Variants in GAS6 observed in about 807,000 individuals in gnomAD.
GAS6 encodes the protein growth arrest specific 6, also known as growth arrest-specific protein 6.
In GAS6, 41 loss-of-function variants were observed where a neutral mutation model predicts 75.8. That is an observed-to-expected ratio of 0.54 (90% CI 0.42 to 0.70). The LOEUF (loss-of-function observed/expected upper bound fraction) is 0.70, where lower values mean the gene tolerates loss of function less well. GAS6 is among the 30% of genes least tolerant of loss of function. The pLI, the probability that GAS6 is intolerant of heterozygous loss-of-function variation, is 0.00. For missense variants in GAS6, 854 were observed against 940.2 expected (o/e 0.91, Z 1.20); for synonymous variants, 432 against 412.6 (o/e 1.05, Z -0.57).
intron 4 of GAS6, chr13:113,842,264 ATGAC>A (rs2051793971): frequency 8.8e-6 from 2 of 228,308 alleles, no homozygotes; most frequent in Admixed American, 5.8e-5. Context: ...TTTTGCACAA[ATGAC>A]TGACAACAGA....
rs1304579401 is a variant in GAS6, at chr13:113,824,247, CA to C, written c.1478-698del. Among the ~76,000 whole-genome samples the C allele has an allele frequency of 2.7e-4, 37 of 139,596 alleles. 2 individuals carry two copies. Among genetic ancestry groups the C allele is most frequent in the African/African-American group, 7.4e-4 (27 of 36,660 alleles). The allele number at this position is 139,596 out of a possible 152,430, so 91.6% of individuals were successfully genotyped here. On this transcript the variant is annotated intron_variant, in intron 12 of 14. Transcript: ENST00000327773. ...ACGCGCGGTCTGGGGTCTGAGCTGT[CA>C]GGAGCACCCGCGGTCTGGGGTCTGA...
chr13:113,833,045 CA>C lies in GAS6; in HGVS notation c.835-294del, dbSNP rs1280455674. ...TTTTTAAATTATGAAATATTTCAAGCATACAAAAATTACAGAGAATCATTAA... is the reference window on the plus strand; with the variant it reads ...TTTTTAAATTATGAAATATTTCAAGCTACAAAAATTACAGAGAATCATTAA... On this transcript the variant is annotated intron_variant, in intron 8 of 14. Transcript: ENST00000327773. 5 of 1,303,504 alleles carry C rather than the reference CA, an allele frequency of 3.8e-6. No individual in the cohort carries two copies. In the African/African-American group the frequency reaches 7.5e-5, roughly 20 times the overall value. The allele number at this position is 1,303,504 out of a possible 1,614,324, so 80.7% of individuals were successfully genotyped here.
chr13:113,826,514 AC>A (rs2051545778), intron 12 of GAS6, among the ~76,000 whole-genome samples: 2 of 111,546 alleles, frequency 1.8e-5, no homozygotes, highest in African/African-American at 3.4e-5. Flanking sequence ...CCTCGCAGGC[AC>A]CTTCTCTCCC....
At chr13:113,838,344 G>C in intron 5 of GAS6, 153 bp from the exon 6 acceptor site, 1 of 880,330 alleles carries the variant, frequency 1.1e-6, no homozygotes, top group Non-Finnish European at 1.8e-6. Context: ...AGATCCCAAA[G>C]GTGCACAGCC....
intron 4 of GAS6, 92 bp from the exon 5 acceptor site, chr13:113,839,942 G>A: frequency 6.3e-7 from 1 of 1,588,940 alleles, no homozygotes; most frequent in Non-Finnish European, 8.6e-7. Context: ...TGGGGTCTCG[G>A]GTCCAGCCCG....
chr13:113,857,969 G>C (rs1308712479), intron 2 of GAS6, among the ~76,000 whole-genome samples: 1 of 152,252 alleles, frequency 6.6e-6, no homozygotes, highest in Non-Finnish European at 1.5e-5. Context: ...CCTCAGAGGA[G>C]GCCGGGCCGG....
chr13:113,828,058 G>A (rs1273477900), intron 11 of GAS6, among the ~76,000 whole-genome samples: 2 of 152,134 alleles, frequency 1.3e-5, no homozygotes, highest in Non-Finnish European at 2.9e-5. Flanking sequence ...GGCAGTTCAC[G>A]AGGTCAGAAG....
chr13:113,825,640 G>A (rs2051527637), intron 12 of GAS6, among the ~76,000 whole-genome samples: 1 of 152,128 alleles, frequency 6.6e-6, no homozygotes, highest in Admixed American at 6.5e-5. Context: ...GATATTAAGT[G>A]GAAAAAGGAT....
chr13:113,834,192 A>ACCGGTGTGACAGGCC (rs914289620), intron 8 of GAS6, among the ~76,000 whole-genome samples: 3 of 128,404 alleles, frequency 2.3e-5, no homozygotes, highest in Admixed American at 1.5e-4. Flanking sequence ...TGTGACAGGC[A>ACCGGTGTGACAGGCC]CCGGTGTGAC....
chr13:113,863,580 CG>C lies in GAS6; in HGVS notation c.249del (p.Glu84ArgfsTer10). ...EEAREVFEND[P>X]ETDYFYPRYL... ...CCCGCCCGCCGGCTGCTCACCGTCT[CG>C]GGGTCGTTCTCGAACACCTCCCGCG... is the stretch of plus-strand genomic sequence containing the variant. On this transcript the variant is annotated frameshift_variant, in exon 2 of 15. Coordinates refer to ENST00000327773, the MANE Select transcript of GAS6 (RefSeq NM_000820.4). LOFTEE classifies it high-confidence loss of function. The surrounding 1 kb of genome is among the most constrained non-coding windows in gnomAD (Gnocchi z 9.4). 6.6e-7 allele frequency: 1 copy of C among 1,513,838 alleles called. No individual in the cohort carries two copies. The highest frequency in any genetic ancestry group is 8.8e-7 in the Non-Finnish European group (1 of 1,133,688). 93.8% of individuals were successfully genotyped at this position (1,513,838 alleles called of 1,614,324 possible).
At chr13:113,857,977 C>T (rs1457817866) in intron 2 of GAS6, among the ~76,000 whole-genome samples, 2 of 152,230 alleles carry the variant, frequency 1.3e-5, no homozygotes, top group African/African-American at 2.4e-5. Context: ...GAGGCCGGGC[C>T]GGGGTCCACC....
At position 113,846,543 on chromosome 13, in the gene GAS6, G is replaced by A. The variant is rs1006199724; in HGVS notation, c.327C>T (p.Phe109=). 3.7e-6 allele frequency: 6 copies of A among 1,613,936 alleles called. No homozygotes were observed. The highest frequency in any genetic ancestry group is 1.7e-5 in the Admixed American group (1 of 60,012). ...CCGACTTACTTTGCACGCAGGTGGC[G>A]AAGCCTGAGTTTTTGGTGTACGGAG... ...YGSPYTKNSG[F]ATCVQNLPDQ... The change falls in exon 4 of 15, where the codon TTC becomes TTT. Residue 109 remains phenylalanine (F), a synonymous_variant. Coordinates refer to ENST00000327773, the MANE Select transcript of GAS6 (RefSeq NM_000820.4).
intron 6 of GAS6, 129 bp from the exon 7 acceptor site, chr13:113,835,764 C>G: frequency 6.8e-7 from 1 of 1,478,014 alleles, no homozygotes; most frequent in Non-Finnish European, 8.9e-7. Context: ...GCCAGCGCGC[C>G]CTGGCCCCAT....
In GAS6 at chr13:113,826,727, C is replaced by T. The variant is rs987180984; in HGVS notation, c.1477+269G>A. On this transcript the variant is annotated intron_variant, in intron 12 of 14. Coordinates refer to ENST00000327773, the MANE Select transcript of GAS6 (RefSeq NM_000820.4). ...CGCAGGCACCTTCTCTCCCCGGCCT[C>T]CTGGCACTGGCTTCGCAGGCACCTT... Among the ~76,000 whole-genome samples the T allele has an allele frequency of 2.6e-5, 4 of 151,576 alleles. 1 individual carries two copies. Among genetic ancestry groups the T allele is most frequent in the African/African-American group, 9.7e-5 (4 of 41,050 alleles).
At chr13:113,833,931 G>T (rs1566360474) in intron 8 of GAS6, among the ~76,000 whole-genome samples, 1 of 149,918 alleles carries the variant, frequency 6.7e-6, no homozygotes, top group African/African-American at 2.5e-5. Context: ...ACAGGCACCA[G>T]TGTGACAGGC....
intron 3 of GAS6, among the ~76,000 whole-genome samples, chr13:113,847,345 T>C (rs1174490928): frequency 3.3e-5 from 5 of 152,208 alleles, no homozygotes; most frequent in Admixed American, 6.5e-5. Flanking sequence ...TAAGAGGACA[T>C]TTACTAAAAT....
intron 8 of GAS6, 139 bp from the exon 9 acceptor site, chr13:113,832,891 C>A: frequency 3.9e-6 from 6 of 1,541,906 alleles, no homozygotes; most frequent in Non-Finnish European, 5.2e-6. Context: ...GCTGCTGAGA[C>A]CCCAGAGGCT....
At chr13:113,824,020 G>C (rs1468568260) in intron 12 of GAS6, among the ~76,000 whole-genome samples, 1 of 151,804 alleles carries the variant, frequency 6.6e-6, no homozygotes, top group African/African-American at 2.4e-5. Context: ...GCGGACAGGA[G>C]CTGTCATGAG....
Position 113,848,001 on chromosome 13 carries a change from G to C in GAS6, c.280+25C>G. The stretch of plus-strand genomic sequence containing the variant: ...CCCAACTATGCCTCTACGACAACCA[G>C]AGTAGAGAAGTAATTGAGACTTACC... On this transcript the variant is annotated intron_variant, in intron 3 of 14. Transcript: ENST00000327773. The surrounding 1 kb of genome is among the most constrained non-coding windows in gnomAD (Gnocchi z 4.8). 13 of 1,604,108 alleles carry C rather than the reference G, an allele frequency of 8.1e-6. No homozygotes were observed. Among genetic ancestry groups the C allele is most frequent in the Non-Finnish European group, 1.1e-5 (13 of 1,171,618 alleles).
Sources: gnomAD v4.1 joint callset for allele counts (sites outside exome capture counted in the v4.1 genomes callset) on GRCh38, gnomAD v4.1.1 for gene constraint, Gnocchi (gnomAD v3.1) non-coding constraint, MANE v1.5 for transcripts, NCBI Gene and HGNC (gene_info 2026-07-23, HGNC 2026-07-21) for gene names.